KRT74: variants seen among roughly 807,000 people sequenced by gnomAD.
KRT74 encodes the protein keratin, type II cytoskeletal 74.
KRT74 carries 43 observed loss-of-function variants against 42.7 expected under a neutral mutation model. The ratio of observed to expected loss-of-function variants is 1.01; its 90% CI spans 0.79 to 1.30. KRT74 has a LOEUF of 1.30. Among genes scored for constraint, KRT74 ranks in the 50% most tolerant of loss-of-function variants. The pLI is 0.00. For missense variants in KRT74, 736 were observed against 689.1 expected (o/e 1.07, Z -0.76); for synonymous variants, 302 against 279.0 (o/e 1.08, Z -0.82).
At chr12:52,568,108 C>T in intron 7 of KRT74, 61 bp downstream of exon 7, 4 of 1,597,302 alleles carry the variant, frequency 2.5e-6, no homozygotes, top group Admixed American at 1.7e-5. Flanking sequence ...CAGGTGGCCC[C>T]TCAGCCAGAC....
chr12:52,568,313 A>G lies in KRT74; in HGVS notation c.1211T>C (p.Leu404Pro), dbSNP rs1939416963. 1.2e-6 allele frequency: 2 copies of G among 1,614,110 alleles called. No homozygotes were observed. Among genetic ancestry groups the G allele is most frequent in the Admixed American group, 1.7e-5 (1 of 60,008 alleles). ...GTGCAGGGCGCCCTCCAGCTCATCC[A>G]GCTTGGCCTGGGCATCCTTCAGGGC... ...DNALKDAQAK[L>P]DELEGALHQA... Residue 404 changes from leucine (L) to proline (P), a missense_variant, in exon 7 of 9, where the codon CTG (leucine) becomes CCG (proline). By Grantham distance (98) the Leu-to-Pro change is moderately conservative. Coordinates refer to ENST00000305620, the MANE Select transcript of KRT74 (RefSeq NM_175053.4).
At chr12:52,573,146 C>T (rs781168713) in intron 1 of KRT74, among the ~76,000 whole-genome samples, 161 bp downstream of exon 1, 32 of 152,192 alleles carry the variant, frequency 2.1e-4, no homozygotes, top group Non-Finnish European at 4.1e-4. Context: ...ATTCCTTTGT[C>T]CTCCGTGGCT....
chr12:52,570,454 G>A (rs930247707), intron 5 of KRT74, among the ~76,000 whole-genome samples: 1 of 152,246 alleles, frequency 6.6e-6, no homozygotes, highest in African/African-American at 2.4e-5. Context: ...AAAGAAGTGA[G>A]GGATCCTCTC....
chr12:52,568,483 G>A (rs953469784), intron 6 of KRT74, 94 bp from the exon 7 acceptor site: 28 of 1,354,314 alleles, frequency 2.1e-5, no homozygotes, highest in Admixed American at 3.9e-5. Flanking sequence ...TGCAGATGGG[G>A]CCCTAGGTGA....
Position 52,570,019 on chromosome 12 carries a change from C to A in KRT74, c.1009-35G>T, listed in dbSNP as rs753720450. 6 of 1,613,212 alleles carry A rather than the reference C, an allele frequency of 3.7e-6. No homozygotes were observed. The East Asian group carries it at 8.9e-5, about 24-fold the overall frequency. Reference sequence around the variant, plus strand: ...CAGAGATAGGAAGTTGGTGATGAGACAAGGGCACTGGGGAAGGGTCCTGTA... The same window carrying A: ...CAGAGATAGGAAGTTGGTGATGAGAAAAGGGCACTGGGGAAGGGTCCTGTA... On this transcript the variant is annotated intron_variant, in intron 5 of 8. Coordinates refer to ENST00000305620, the MANE Select transcript of KRT74 (RefSeq NM_175053.4).
intron 5 of KRT74, 81 bp downstream of exon 5, chr12:52,570,588 G>A: frequency 2.0e-6 from 3 of 1,473,702 alleles, no homozygotes; most frequent in East Asian, 2.3e-5. Flanking sequence ...GCCCACAAAA[G>A]TATTCCTCAC....
At chr12:52,568,796 C>T (rs1348872311) in intron 6 of KRT74, among the ~76,000 whole-genome samples, 1 of 152,214 alleles carries the variant, frequency 6.6e-6, no homozygotes, top group East Asian at 1.9e-4. Context: ...AGGACCTCTC[C>T]CCATTGGGGA....
chr12:52,567,226 C>CCGTTACCATAGCTGT, intron 8 of KRT74, 58 bp from the exon 9 acceptor site: 2 of 1,414,286 alleles, frequency 1.4e-6, no homozygotes, highest in Non-Finnish European at 1.9e-6. Flanking sequence ...CAGATAACAG[C>CCGTTACCATAGCTGT]TATGGTAACG....
At chr12:52,573,285 A>G (rs1436764954) in intron 1 of KRT74, 22 bp downstream of exon 1, 1 of 1,610,610 alleles carries the variant, frequency 6.2e-7, no homozygotes, top group East Asian at 2.2e-5. Context: ...GTGCGGCCTC[A>G]TCCTCCTCCT....
chr12:52,567,186 A>G lies in KRT74; in HGVS notation c.1391-18T>C, dbSNP rs372203075. On this transcript the variant is annotated intron_variant, in intron 8 of 8. Coordinates refer to ENST00000305620, the MANE Select transcript of KRT74 (RefSeq NM_175053.4). ...GATGACAGCTGAGGAGGAGGGGCCA[A>G]GAGCAGGGGAGAGGAGCAGTGTCAA... 356 of 1,555,162 alleles carry G rather than the reference A, an allele frequency of 2.3e-4. No homozygotes were observed. The African/African-American group carries it at 4.2e-3, about 18-fold the overall frequency.
chr12:52,568,579 T>G (rs1341731471), intron 6 of KRT74, 190 bp from the exon 7 acceptor site: 1 of 658,620 alleles, frequency 1.5e-6, no homozygotes, highest in East Asian at 2.7e-5. Flanking sequence ...TGTTATCACA[T>G]GAAGCTGTGG....
rs1939390201 is a variant in KRT74, at chr12:52,566,885, C to CT, written c.*83dup. ...TACAGACAGTTTTAAAACTCAGGGC[C>CT]TGGGAACTTGGGTGTGGCAGACACC... On this transcript the variant is annotated 3_prime_UTR_variant, in exon 9 of 9. Transcript: ENST00000305620. 1 of 1,187,774 alleles carries CT rather than the reference C, an allele frequency of 8.4e-7. No individual in the cohort carries two copies. Among genetic ancestry groups the CT allele is most frequent in the Non-Finnish European group, 1.2e-6 (1 of 828,882 alleles). The allele number at this position is 1,187,774 out of a possible 1,614,324, so 73.6% of individuals were successfully genotyped here.
In KRT74 at chr12:52,573,443, A is replaced by T. The variant is rs1274262000; in HGVS notation, c.335T>A (p.Ile112Asn). The change falls in exon 1 of 9, where the codon ATC (isoleucine) becomes AAC (asparagine). Residue 112 changes from isoleucine (I) to asparagine (N), a missense_variant. Coordinates refer to ENST00000305620, the MANE Select transcript of KRT74 (RefSeq NM_175053.4). ...ACLSVCPPGG[I>N]HQVTVNKSLL... ...GCTCTTGTTGACAGTGACCTGGTGG[A>T]TGCCCCCAGGTGGGCACACAGACAA... 4 of 1,613,910 alleles carry T rather than the reference A, an allele frequency of 2.5e-6. No homozygotes were observed. Among genetic ancestry groups the T allele is most frequent in the Non-Finnish European group, 3.4e-6 (4 of 1,179,916 alleles).
chr12:52,567,122 C>T lies in KRT74; in HGVS notation c.1437G>A (p.Ala479=), dbSNP rs747912595. The T allele has an allele frequency of 8.7e-6, 14 of 1,605,012 alleles. No homozygotes were observed. The highest frequency in any genetic ancestry group is 3.3e-5 in the Admixed American group (2 of 59,720). The change falls in exon 9 of 9, where the codon GCG becomes GCA. Residue 479 remains alanine (A), a synonymous_variant. Coordinates refer to ENST00000305620, the MANE Select transcript of KRT74 (RefSeq NM_175053.4). ...CAGCGCTGGCCCCAAGGTCAACACCCGCAGAGCTGGGGTGGTGGTAGCTGT... is the reference window on the plus strand; with the variant it reads ...CAGCGCTGGCCCCAAGGTCAACACCTGCAGAGCTGGGGTGGTGGTAGCTGT... ...SSYSYHHPSS[A]GVDLGASAVA...
In KRT74 at chr12:52,572,524, C is replaced by G; in HGVS notation, c.615G>C (p.Leu205=). 1 of 1,614,238 alleles carries G rather than the reference C, an allele frequency of 6.2e-7. No homozygotes were observed. The highest frequency in any genetic ancestry group is 1.3e-5 in the African/African-American group (1 of 75,052). ...AGTCCAGCCTCACCCTGTCCCCAGACAGTGTCTCCAGCTGCTTCCGCAGGT... is the reference window on the plus strand; with the variant it reads ...AGTCCAGCCTCACCCTGTCCCCAGAGAGTGTCTCCAGCTGCTTCCGCAGGT... ...ISNLRKQLET[L]SGDRVRLDSE... is the part of the protein sequence containing the mutation. Residue 205 remains leucine, a synonymous_variant, in exon 2 of 9, where the codon CTG becomes CTC. Transcript: ENST00000305620.
intron 6 of KRT74, among the ~76,000 whole-genome samples, chr12:52,568,735 C>CT (rs1179471580): frequency 6.6e-6 from 1 of 152,148 alleles, no homozygotes; most frequent in East Asian, 1.9e-4. Flanking sequence ...AAGGCCAGCC[C>CT]TGAGGATGAG....
intron 7 of KRT74, 59 bp from the exon 8 acceptor site, chr12:52,567,752 C>T (rs1939404308): frequency 8.1e-7 from 1 of 1,234,052 alleles, no homozygotes. Context: ...CACTAAACAT[C>T]AATGGGCTCC....
chr12:52,567,208 T>C, intron 8 of KRT74, 40 bp from the exon 9 acceptor site: 1 of 1,492,270 alleles, frequency 6.7e-7, no homozygotes, highest in African/African-American at 1.4e-5. Context: ...AGGAGCAGTG[T>C]CAATCAGCAG....
intron 6 of KRT74, 53 bp from the exon 7 acceptor site, chr12:52,568,442 A>C: frequency 1.6e-4 from 248 of 1,575,214 alleles, no homozygotes; most frequent in Non-Finnish European, 2.0e-4. Flanking sequence ...CATTTAGCTC[A>C]TACCAGTTAA....
Sources: allele counts gnomAD v4.1 joint callset (sites outside exome capture counted in the v4.1 genomes callset), GRCh38; gene constraint gnomAD v4.1.1; transcripts MANE v1.5; gene names NCBI Gene and HGNC (gene_info 2026-07-23, HGNC 2026-07-21).